Variants in HS3ST2 observed in about 807,000 individuals in gnomAD.
HS3ST2 encodes the protein heparan sulfate glucosamine 3-O-sulfotransferase 2.
A neutral mutation model predicts 26.3 loss-of-function variants in HS3ST2; 17 were observed. The observed-to-expected ratio is 0.65, with a 90% CI of 0.44 to 0.97. The LOEUF is 0.97. HS3ST2 is among the 50% of genes least tolerant of loss of function. HS3ST2 has a pLI of 0.00. For missense variants in HS3ST2, 402 were observed against 501.2 expected (o/e 0.80, Z 1.89); for synonymous variants, 237 against 219.2 (o/e 1.08, Z -0.72).
At chr16:22,900,280 G>C (rs982487492) in intron 1 of HS3ST2, among the ~76,000 whole-genome samples, 2 of 152,164 alleles carry the variant, frequency 1.3e-5, no homozygotes, top group African/African-American at 2.4e-5. Flanking sequence ...GAGACTAGAG[G>C]GGGATAAAGA....
intron 1 of HS3ST2, among the ~76,000 whole-genome samples, chr16:22,905,850 C>T (rs1306378996): frequency 2.6e-5 from 4 of 152,222 alleles, no homozygotes; most frequent in Admixed American, 6.5e-5. Flanking sequence ...CTTCTCTGAT[C>T]GTAAGAATCA....
chr16:22,907,589 T>C (rs2141747142), intron 1 of HS3ST2, among the ~76,000 whole-genome samples: 1 of 152,336 alleles, frequency 6.6e-6, no homozygotes, highest in East Asian at 1.9e-4. Context: ...GAGTTAAGAA[T>C]GATTCTGAAG....
At chr16:22,907,235 C>T (rs904072026) in intron 1 of HS3ST2, among the ~76,000 whole-genome samples, 3 of 152,216 alleles carry the variant, frequency 2.0e-5, no homozygotes, top group Admixed American at 2.0e-4. Flanking sequence ...CATCAGGCTA[C>T]CAAGGAAGTG....
intron 1 of HS3ST2, among the ~76,000 whole-genome samples, chr16:22,906,379 A>ATAAATAAATAAATAAT (rs1265953803): frequency 3.2e-4 from 49 of 151,704 alleles, no homozygotes; most frequent in African/African-American, 1.2e-3. Context: ...AAATAAATAA[A>ATAAATAAATAAATAAT]TAAATAAATA....
At chr16:22,909,676 T>C (rs1465894169) in intron 1 of HS3ST2, among the ~76,000 whole-genome samples, 1 of 152,182 alleles carries the variant, frequency 6.6e-6, no homozygotes, top group African/African-American at 2.4e-5. Flanking sequence ...CTACAGCATG[T>C]TTGCAACCTG....
At chr16:22,853,380 T>C (rs1264653962) in intron 1 of HS3ST2, among the ~76,000 whole-genome samples, 1 of 152,194 alleles carries the variant, frequency 6.6e-6, no homozygotes, top group Non-Finnish European at 1.5e-5. Context: ...GGTGTAACAG[T>C]TAAAAGATTC....
chr16:22,911,494 T>C (rs1307567061), intron 1 of HS3ST2, among the ~76,000 whole-genome samples: 2 of 152,148 alleles, frequency 1.3e-5, no homozygotes, highest in Admixed American at 1.3e-4. Flanking sequence ...CAAAATGCAT[T>C]ATTTCACAGT....
intron 1 of HS3ST2, 99 bp from the exon 2 acceptor site, chr16:22,914,845 G>A (rs999896908): frequency 8.3e-7 from 1 of 1,202,942 alleles, no homozygotes; most frequent in Non-Finnish European, 1.2e-6. Context: ...GCCAGGAGGA[G>A]GATGCAACAG....
At chr16:22,878,370 C>G (rs1335353186) in intron 1 of HS3ST2, among the ~76,000 whole-genome samples, 1 of 152,144 alleles carries the variant, frequency 6.6e-6, no homozygotes, top group Non-Finnish European at 1.5e-5. Flanking sequence ...GACACTGTTG[C>G]CCGCTGAAGG....
chr16:22,878,325 A>C (rs954963876), intron 1 of HS3ST2, among the ~76,000 whole-genome samples: 99 of 152,374 alleles, frequency 6.5e-4, no homozygotes, highest in African/African-American at 2.4e-3. Context: ...AAATAAGAAC[A>C]ACAAAACCCA....
At chr16:22,870,190 C>T (rs1025837683) in intron 1 of HS3ST2, among the ~76,000 whole-genome samples, 4 of 152,102 alleles carry the variant, frequency 2.6e-5, no homozygotes, top group African/African-American at 4.8e-5. Context: ...TCCTCTGACT[C>T]GCTCATGCAT....
In HS3ST2 at chr16:22,817,471, C is replaced by A. The variant is rs143494282; in HGVS notation, c.485+2376C>A. On this transcript the variant is annotated intron_variant, in intron 1 of 1. Coordinates refer to ENST00000261374, the MANE Select transcript of HS3ST2 (RefSeq NM_006043.2). ...GATGCTGTTTCCATAACCTCCAGAA[C>A]ATCTTTCTGTATGTAAAGAACATTT... Among the ~76,000 whole-genome samples, 72 of 152,342 alleles carry A rather than the reference C, an allele frequency of 4.7e-4. 1 individual carries two copies. In the East Asian group the frequency reaches 0.01, roughly 22 times the overall value.
chr16:22,897,951 T>A (rs1902229780), intron 1 of HS3ST2, among the ~76,000 whole-genome samples: 1 of 152,196 alleles, frequency 6.6e-6, no homozygotes, highest in South Asian at 2.1e-4. Context: ...AAATGTAAAT[T>A]TCATCCGTGA....
chr16:22,850,524 C>T (rs1901502874), intron 1 of HS3ST2, among the ~76,000 whole-genome samples: 2 of 152,106 alleles, frequency 1.3e-5, no homozygotes, highest in Admixed American at 1.3e-4. Flanking sequence ...CAGTGGCTCA[C>T]ACCTGTAATC....
intron 1 of HS3ST2, among the ~76,000 whole-genome samples, chr16:22,868,668 C>A (rs139769523): frequency 1.4e-4 from 21 of 152,028 alleles, no homozygotes; most frequent in African/African-American, 5.1e-4. Context: ...CATCCATGAC[C>A]GTGCTCTATC....
intron 1 of HS3ST2, among the ~76,000 whole-genome samples, chr16:22,874,457 C>T (rs928930096): frequency 2.6e-5 from 4 of 152,208 alleles, no homozygotes; most frequent in Non-Finnish European, 5.9e-5. Context: ...AGCCTAGACA[C>T]CGCTGTCCTC....
At chr16:22,903,400 A>G (rs1902306209) in intron 1 of HS3ST2, among the ~76,000 whole-genome samples, 2 of 152,228 alleles carry the variant, frequency 1.3e-5, no homozygotes, top group African/African-American at 4.8e-5. Context: ...CAAAGCATCG[A>G]TGACCACGTG....
Position 22,915,419 on chromosome 16 carries a change from C to T in HS3ST2, c.961C>T (p.Leu321Phe). 1.2e-6 allele frequency: 2 copies of T among 1,613,978 alleles called. No individual in the cohort carries two copies. Among genetic ancestry groups the T allele is most frequent in the Non-Finnish European group, 1.7e-6 (2 of 1,179,972 alleles). ...FPCLKKTESS[L>F]LPRCLGKSKG... ...TTGCTTGAAAAAAACAGAATCGAGC[C>T]TCCTGCCTCGATGCTTGGGCAAATC... The change falls in exon 2 of 2, where the codon CTC becomes TTC. Residue 321 changes from leucine to phenylalanine, a missense_variant. By Grantham distance (22) the Leu-to-Phe change is conservative. Around this residue, in one of 2 missense-constraint regions of HS3ST2, gnomAD observed 237 missense variants for 346.6 expected, o/e 0.68. Coordinates refer to ENST00000261374, the MANE Select transcript of HS3ST2 (RefSeq NM_006043.2).
At chr16:22,908,164 T>A (rs1902379162) in intron 1 of HS3ST2, among the ~76,000 whole-genome samples, 1 of 152,078 alleles carries the variant, frequency 6.6e-6, no homozygotes, top group Non-Finnish European at 1.5e-5. Context: ...AGAAGTGGAA[T>A]GTAGGCCATT....
Sources: gnomAD v4.1 joint callset for allele counts (sites outside exome capture counted in the v4.1 genomes callset) on GRCh38, gnomAD v4.1.1 for gene constraint, gnomAD v4.1.1 regional missense constraint, MANE v1.5 for transcripts, NCBI Gene and HGNC (gene_info 2026-07-23, HGNC 2026-07-21) for gene names.